The following ALCAM variants were observed in gnomAD, a reference collection of about 807,000 sequenced individuals.
The protein encoded by ALCAM is activated leukocyte cell adhesion molecule, also known as CD166 antigen.
ALCAM carries 30 observed loss-of-function variants against 70.9 expected under a neutral mutation model. The observed-to-expected ratio is 0.42, with a 90% CI of 0.32 to 0.57. ALCAM has a LOEUF of 0.57. ALCAM is among the 20% of genes least tolerant of loss of function. The pLI, the probability that ALCAM is intolerant of heterozygous loss-of-function variation, is 0.11. For synonymous variants in ALCAM, 249 were observed against 242.5 expected, an observed-to-expected ratio of 1.03 and a Z score of -0.25; for missense variants, 591 against 695.1, an observed-to-expected ratio of 0.85 and a Z score of 1.68.
At chr3:105,456,885 G>A (rs548373568) in intron 1 of ALCAM, among the ~76,000 whole-genome samples, 14 of 152,202 alleles carry the variant, frequency 9.2e-5, no homozygotes, top group Non-Finnish European at 1.9e-4. Context: ...AGGTTTGTAA[G>A]TTCAAAATTA....
intron 1 of ALCAM, among the ~76,000 whole-genome samples, chr3:105,495,484 A>G (rs964739055): frequency 6.6e-6 from 1 of 152,228 alleles, no homozygotes; most frequent in African/African-American, 2.4e-5. Flanking sequence ...ATAGACAGAA[A>G]GAGAATCTGT....
chr3:105,547,775 T>C (rs1940288502), intron 11 of ALCAM, among the ~76,000 whole-genome samples: 2 of 151,442 alleles, frequency 1.3e-5, no homozygotes, highest in South Asian at 4.1e-4. Context: ...CATTGTGTCA[T>C]GGTCAGTATC....
intron 1 of ALCAM, among the ~76,000 whole-genome samples, chr3:105,391,736 G>A (rs1324701367): frequency 2.0e-5 from 3 of 151,970 alleles, no homozygotes; most frequent in Non-Finnish European, 4.4e-5. Context: ...GTGATAAATG[G>A]CTCTTATTAT....
At chr3:105,551,252 G>A (rs1373882423) in intron 12 of ALCAM, among the ~76,000 whole-genome samples, 1 of 151,682 alleles carries the variant, frequency 6.6e-6, no homozygotes, top group African/African-American at 2.4e-5. Flanking sequence ...TGACTTCTCA[G>A]AATGCAATTC....
intron 14 of ALCAM, among the ~76,000 whole-genome samples, chr3:105,567,943 A>G (rs1372142318): frequency 2.6e-5 from 4 of 152,024 alleles, no homozygotes; most frequent in African/African-American, 9.7e-5. Context: ...ATTACTGGCT[A>G]ATTACTCTAC....
chr3:105,576,860 C>T lies in ALCAM; in HGVS notation c.*2409C>T, dbSNP rs1940970297. 2.0e-5 allele frequency: 3 copies of T among 152,112 alleles called. No homozygotes were observed. The highest frequency in any genetic ancestry group is 1.3e-4 in the Admixed American group (2 of 15,260). 9.4% of individuals were successfully genotyped at this position (152,112 alleles called of 1,614,324 possible). A position where few individuals can be genotyped will look rare whatever the true frequency, so the allele number is the denominator to read the frequency against. ...GTTTGTGGAAATGGATTAACATACC[C>T]GTCTATGCCTAAAAGATAATAAAAC... is the stretch of plus-strand genomic sequence containing the variant. On this transcript the variant is annotated 3_prime_UTR_variant, in exon 16 of 16. Coordinates refer to ENST00000306107, the MANE Select transcript of ALCAM (RefSeq NM_001627.4).
intron 1 of ALCAM, among the ~76,000 whole-genome samples, chr3:105,478,077 T>A (rs375101847): frequency 1.3e-5 from 2 of 152,114 alleles, no homozygotes; most frequent in East Asian, 3.8e-4. Flanking sequence ...TTTTTTCCCC[T>A]GAAAATTGCT....
rs562410692 is a variant in ALCAM, at chr3:105,467,601, C to T, written c.74-52466C>T. Among the ~76,000 whole-genome samples the T allele has an allele frequency of 1.2e-4, 18 of 151,138 alleles. No homozygotes were observed. The East Asian group carries it at 1.6e-3, about 13-fold the overall frequency. On this transcript the variant is annotated intron_variant, in intron 1 of 15. Coordinates refer to ENST00000306107, the MANE Select transcript of ALCAM (RefSeq NM_001627.4). ...TTATTTGACTCCTAAACTTTTGGGACGAGTACTTAATTAGAAAAATATTAT... is the reference window on the plus strand; with the variant it reads ...TTATTTGACTCCTAAACTTTTGGGATGAGTACTTAATTAGAAAAATATTAT...
intron 1 of ALCAM, among the ~76,000 whole-genome samples, chr3:105,461,742 T>C (rs1346718456): frequency 6.6e-6 from 1 of 151,798 alleles, no homozygotes; most frequent in Non-Finnish European, 1.5e-5. Flanking sequence ...TTTATTGTTT[T>C]ATCTTCCATG....
chr3:105,443,121 C>A (rs1189805783), intron 1 of ALCAM, among the ~76,000 whole-genome samples: 2 of 152,174 alleles, frequency 1.3e-5, no homozygotes, highest in Non-Finnish European at 2.9e-5. Flanking sequence ...CTACCTCGCC[C>A]AGCCAAGATT....
At chr3:105,417,943 C>T (rs963046733) in intron 1 of ALCAM, among the ~76,000 whole-genome samples, 1 of 149,944 alleles carries the variant, frequency 6.7e-6, no homozygotes, top group East Asian at 2.0e-4. Flanking sequence ...AATGAATATT[C>T]TTTTTTTTTG....
chr3:105,410,086 T>C (rs553199696), intron 1 of ALCAM, among the ~76,000 whole-genome samples: 18 of 152,080 alleles, frequency 1.2e-4, no homozygotes, highest in Non-Finnish European at 2.1e-4. Flanking sequence ...CATTTATTCC[T>C]ATCTTTAAAA....
chr3:105,430,754 C>G (rs1441206212), intron 1 of ALCAM, among the ~76,000 whole-genome samples: 1 of 152,062 alleles, frequency 6.6e-6, no homozygotes, highest in Non-Finnish European at 1.5e-5. Flanking sequence ...TATTTATCCT[C>G]CACCCTTTTG....
chr3:105,439,171 G>T (rs1937117391), intron 1 of ALCAM, among the ~76,000 whole-genome samples: 1 of 152,132 alleles, frequency 6.6e-6, no homozygotes, highest in African/African-American at 2.4e-5. Flanking sequence ...TACAGGATTT[G>T]TATTTCTCAC....
At chr3:105,537,017 C>A (rs1423001127) in intron 6 of ALCAM, among the ~76,000 whole-genome samples, 2 of 151,952 alleles carry the variant, frequency 1.3e-5, no homozygotes, top group Non-Finnish European at 1.5e-5. Context: ...GAGTGGAGAA[C>A]CACTGCTCTA....
At chr3:105,454,225 C>G (rs1937500496) in intron 1 of ALCAM, among the ~76,000 whole-genome samples, 1 of 152,174 alleles carries the variant, frequency 6.6e-6, no homozygotes, top group Non-Finnish European at 1.5e-5. Context: ...CCAAATGATA[C>G]TCTTCTTAAT....
Position 105,550,233 on chromosome 3 carries a change from C to T in ALCAM, c.1481C>T (p.Thr494Ile). The T allele has an allele frequency of 1.2e-6, 2 of 1,607,272 alleles. No homozygotes were observed. The highest frequency in any genetic ancestry group is 4.5e-5 in the East Asian group (2 of 44,638). ...TCTAENQLER[T>I]VNSLNVSAIS... ...ACAGCAGAAAACCAACTGGAGAGAA[C>T]AGTAAACTCCTTGAATGTCTCTGCT... The change falls in exon 12 of 16, where the codon ACA (threonine) becomes ATA (isoleucine). Residue 494 changes from threonine to isoleucine, a missense_variant. Physicochemically the swap from Thr to Ile is moderately conservative, Grantham distance 89. This residue lies in a region of ALCAM where 164 missense variants were observed against 244.7 expected (regional missense o/e 0.67). Transcript: ENST00000306107.
intron 1 of ALCAM, among the ~76,000 whole-genome samples, chr3:105,488,101 A>G (rs951176878): frequency 1.3e-5 from 2 of 152,102 alleles, no homozygotes; most frequent in Non-Finnish European, 2.9e-5. Flanking sequence ...GCTTGTTTAA[A>G]AGAGCCTGGC....
chr3:105,514,748 G>A (rs1939334180), intron 1 of ALCAM, among the ~76,000 whole-genome samples: 1 of 151,702 alleles, frequency 6.6e-6, no homozygotes, highest in Non-Finnish European at 1.5e-5. Context: ...GGGGGGAGGA[G>A]GAAGGAATAA....
Sources: gnomAD v4.1 joint callset for allele counts (sites outside exome capture counted in the v4.1 genomes callset) on GRCh38, gnomAD v4.1.1 for gene constraint, gnomAD v4.1.1 regional missense constraint, MANE v1.5 for transcripts, NCBI Gene and HGNC (gene_info 2026-07-23, HGNC 2026-07-21) for gene names.